The following CATSPERG variants were observed in gnomAD, a reference collection of about 807,000 sequenced individuals.
CATSPERG encodes catsper channel auxiliary subunit gamma, also known as cation channel sperm-associated auxiliary subunit gamma.
CATSPERG carries 115 observed loss-of-function variants against 145.0 expected under a neutral mutation model. The ratio of observed to expected loss-of-function variants is 0.79; its 90% CI spans 0.68 to 0.93. CATSPERG has a LOEUF of 0.93. Among genes scored for constraint, CATSPERG ranks in the 40% least tolerant of loss-of-function variants. The pLI is 0.00. For missense variants in CATSPERG, 1,296 were observed against 1,490.1 expected, an observed-to-expected ratio of 0.87 and a Z score of 2.14; for synonymous variants, 588 against 589.0, an observed-to-expected ratio of 1.00 and a Z score of 0.02.
At chr19:38,362,063 C>A in intron 17 of CATSPERG, 147 bp from the exon 18 acceptor site, 1 of 1,018,896 alleles carries the variant, frequency 9.8e-7, no homozygotes, top group Non-Finnish European at 1.4e-6. Flanking sequence ...GGGTTGAAAG[C>A]AGGGTTTGGG....
intron 17 of CATSPERG, 128 bp from the exon 18 acceptor site, chr19:38,362,082 G>A (rs1468727005): frequency 1.8e-6 from 2 of 1,087,752 alleles, no homozygotes; most frequent in Non-Finnish European, 2.7e-6. Context: ...GGGATGGGCT[G>A]GGGTGTGTAT....
At chr19:38,354,620 C>G in intron 8 of CATSPERG, 90 bp from the exon 9 acceptor site, 2 of 1,475,190 alleles carry the variant, frequency 1.4e-6, no homozygotes, top group Non-Finnish European at 9.3e-7. Flanking sequence ...GGACAGATAA[C>G]AGGCTCACTA....
chr19:38,368,443 C>T (rs1201245716), intron 26 of CATSPERG, among the ~76,000 whole-genome samples: 1 of 152,224 alleles, frequency 6.6e-6, no homozygotes, highest in Non-Finnish European at 1.5e-5. Flanking sequence ...CCTGAGCCCC[C>T]TACCTGTGCG....
At chr19:38,362,148 G>A in intron 17 of CATSPERG, 62 bp from the exon 18 acceptor site, 1 of 1,530,024 alleles carries the variant, frequency 6.5e-7, no homozygotes, top group Non-Finnish European at 8.9e-7. Flanking sequence ...TGGGGATGCC[G>A]CTTGCCTGGA....
At chr19:38,361,890 C>G in intron 17 of CATSPERG, 29 bp downstream of exon 17, 1 of 1,566,614 alleles carries the variant, frequency 6.4e-7, no homozygotes, top group Non-Finnish European at 8.7e-7. Context: ...GCGGGCAGGC[C>G]TGAGACGGGA....
intron 17 of CATSPERG, 142 bp downstream of exon 17, chr19:38,362,003 G>C: frequency 1.2e-6 from 1 of 847,976 alleles, no homozygotes; most frequent in South Asian, 1.7e-5. Flanking sequence ...ACCTGGGGGC[G>C]GGGCCTGGCT....
intron 6 of CATSPERG, 70 bp from the exon 7 acceptor site, chr19:38,346,380 G>T: frequency 2.1e-6 from 3 of 1,424,246 alleles, no homozygotes; most frequent in Non-Finnish European, 2.8e-6. Flanking sequence ...GTCAGGCCTT[G>T]GACCTAAATG....
chr19:38,352,564 C>A, intron 8 of CATSPERG, 132 bp downstream of exon 8: 1 of 844,258 alleles, frequency 1.2e-6, no homozygotes, highest in Non-Finnish European at 1.9e-6. Flanking sequence ...CCAAATCACC[C>A]TTGCCCACCC....
At chr19:38,340,003 C>T (rs1235410770) in intron 3 of CATSPERG, among the ~76,000 whole-genome samples, 1 of 151,990 alleles carries the variant, frequency 6.6e-6, no homozygotes, top group Non-Finnish European at 1.5e-5. Context: ...TACAGGCATG[C>T]GCCACCATGC....
In CATSPERG at chr19:38,343,967, T is replaced by C. The variant is rs747727559; in HGVS notation, c.470-26T>C. 12 of 1,547,272 alleles carry C rather than the reference T, an allele frequency of 7.8e-6. No individual in the cohort carries two copies. The South Asian group carries it at 1.4e-4, about 18-fold the overall frequency. On this transcript the variant is annotated intron_variant, in intron 4 of 28. Transcript: ENST00000409235. ...ACCGGCCATTGGGAGGCCCCAGCAG[T>C]TTCAGTGCCCAGGGCCTCCCTGCAG...
chr19:38,367,108 C>A, intron 22 of CATSPERG, 48 bp from the exon 23 acceptor site: 1 of 1,565,024 alleles, frequency 6.4e-7, no homozygotes, highest in Non-Finnish European at 8.6e-7. Context: ...CTCCAGGGGC[C>A]TGAGGAGACC....
Position 38,362,455 on chromosome 19 carries a change from A to G in CATSPERG, c.2237A>G (p.Tyr746Cys), listed in dbSNP as rs182097373. 1.4e-4 allele frequency: 218 copies of G among 1,613,982 alleles called. 2 individuals are homozygous for G. The East Asian group carries it at 4.5e-3, about 33-fold the overall frequency. Residue 746 changes from tyrosine to cysteine, a missense_variant, in exon 19 of 29, where the codon TAC (tyrosine) becomes TGC (cysteine). Tyr to Cys is a radical substitution (Grantham distance 194). Coordinates refer to ENST00000409235, the MANE Select transcript of CATSPERG (RefSeq NM_021185.5). ...SIEMDSYEKI[Y>C]NLESAYELPE... ...GAAATGGACAGCTACGAAAAGATCTACAACCTCGAGTCCGCGTACGAGCTG... is the reference window on the plus strand; with the variant it reads ...GAAATGGACAGCTACGAAAAGATCTGCAACCTCGAGTCCGCGTACGAGCTG...
chr19:38,369,625 G>C (rs948258176), intron 26 of CATSPERG: 20 of 333,356 alleles, frequency 6.0e-5, no homozygotes, highest in Non-Finnish European at 8.7e-5. Flanking sequence ...TTTGTACCTA[G>C]TAAGTGCTCA....
At chr19:38,355,070 C>T (rs926280525) in intron 9 of CATSPERG, among the ~76,000 whole-genome samples, 6 of 152,178 alleles carry the variant, frequency 3.9e-5, no homozygotes, top group Non-Finnish European at 7.3e-5. Flanking sequence ...AAGAGCTGGG[C>T]ACAGTGGCTC....
At position 38,352,378 on chromosome 19, in the gene CATSPERG, G is replaced by A; in HGVS notation, c.943G>A (p.Val315Ile). Reference protein sequence around the residue: ...STLFIRQNQLVYYFTGTYTTL... With the variant: ...STLFIRQNQLIYYFTGTYTTL... The stretch of plus-strand genomic sequence containing the variant: ...CCTCTTCATTCGGCAGAACCAGCTG[G>A]TCTACTATTTTACAGGCACCTATAC... The change falls in exon 8 of 29, where the codon GTC becomes ATC. Residue 315 changes from valine (V) to isoleucine (I), a missense_variant. Coordinates refer to ENST00000409235, the MANE Select transcript of CATSPERG (RefSeq NM_021185.5). 1 of 1,551,874 alleles carries A rather than the reference G, an allele frequency of 6.4e-7. No individual in the cohort carries two copies. Among genetic ancestry groups the A allele is most frequent in the African/African-American group, 1.4e-5 (1 of 73,062 alleles).
At chr19:38,353,708 A>G (rs1333292801) in intron 8 of CATSPERG, among the ~76,000 whole-genome samples, 3 of 148,302 alleles carry the variant, frequency 2.0e-5, no homozygotes, top group Non-Finnish European at 4.5e-5. Flanking sequence ...AAAAAAAAAA[A>G]AAAAAAGAAA....
chr19:38,354,901 C>G, intron 9 of CATSPERG, 54 bp downstream of exon 9: 1 of 1,575,360 alleles, frequency 6.3e-7, no homozygotes, highest in Non-Finnish European at 8.6e-7. Context: ...CCTCTCTCAC[C>G]TCCGAGAATT....
At chr19:38,346,333 T>A in intron 6 of CATSPERG, 117 bp from the exon 7 acceptor site, 1 of 921,510 alleles carries the variant, frequency 1.1e-6, no homozygotes, top group South Asian at 2.2e-5. Flanking sequence ...GTCAAGGAAG[T>A]GAGAAGGACA....
At chr19:38,364,614 C>G (rs1970415627) in intron 20 of CATSPERG, among the ~76,000 whole-genome samples, 2 of 152,260 alleles carry the variant, frequency 1.3e-5, no homozygotes, top group African/African-American at 4.8e-5. Flanking sequence ...CACGCCACTG[C>G]ACTCCAGCCT....
Sources: allele counts gnomAD v4.1 joint callset (sites outside exome capture counted in the v4.1 genomes callset), GRCh38; gene constraint gnomAD v4.1.1; transcripts MANE v1.5; gene names NCBI Gene and HGNC (gene_info 2026-07-23, HGNC 2026-07-21).